The following PPFIA2 variants were observed in gnomAD, a reference collection of about 807,000 sequenced individuals.
The protein encoded by PPFIA2 is liprin-alpha-2.
In PPFIA2, 46 loss-of-function variants were observed where a neutral mutation model predicts 175.5. The ratio of observed to expected loss-of-function variants is 0.26; its 90% CI spans 0.21 to 0.34. The LOEUF is 0.34. Among genes scored for constraint, PPFIA2 ranks in the 10% least tolerant of loss-of-function variants. PPFIA2 has a pLI of 1.00. For synonymous variants in PPFIA2, 568 were observed against 511.4 expected (o/e 1.11, Z -1.49); for missense variants, 1,179 against 1,506.1 (o/e 0.78, Z 3.60).
chr12:81,446,361 A>AGAGGTG (rs2051256287), intron 5 of PPFIA2, among the ~76,000 whole-genome samples: 2 of 152,186 alleles, frequency 1.3e-5, no homozygotes, highest in African/African-American at 4.8e-5. Flanking sequence ...GGGCCATGAC[A>AGAGGTG]GAGGTGGAGG....
intron 4 of PPFIA2, among the ~76,000 whole-genome samples, chr12:81,590,859 T>G (rs1467438794): frequency 6.6e-6 from 1 of 152,154 alleles, no homozygotes; most frequent in African/African-American, 2.4e-5. Context: ...TATGTCTTTA[T>G]CAGCAGTGTG....
intron 22 of PPFIA2, among the ~76,000 whole-genome samples, chr12:81,307,163 A>G (rs1220710471): frequency 6.6e-6 from 1 of 152,148 alleles, no homozygotes; most frequent in Non-Finnish European, 1.5e-5. Context: ...ATCTACAATT[A>G]TCCTCTTCTC....
chr12:81,330,229 C>T (rs2055825983), intron 21 of PPFIA2, among the ~76,000 whole-genome samples: 2 of 152,278 alleles, frequency 1.3e-5, no homozygotes, highest in South Asian at 4.1e-4. Context: ...AAAGCCACAA[C>T]CTTGCACGAA....
chr12:81,544,235 A>C (rs2066647547), intron 4 of PPFIA2, among the ~76,000 whole-genome samples: 1 of 152,176 alleles, frequency 6.6e-6, no homozygotes, highest in South Asian at 2.1e-4. Flanking sequence ...CTTATTAAAA[A>C]ATAGATCTTT....
chr12:81,647,656 G>A (rs1160863382), intron 4 of PPFIA2, among the ~76,000 whole-genome samples: 16 of 150,920 alleles, frequency 1.1e-4, no homozygotes, highest in African/African-American at 3.4e-4. Context: ...AGCTACTCAG[G>A]AGGCTGAGGC....
intron 4 of PPFIA2, among the ~76,000 whole-genome samples, chr12:81,471,514 A>C (rs2056730335): frequency 6.6e-6 from 1 of 151,022 alleles, no homozygotes; most frequent in Non-Finnish European, 1.5e-5. Context: ...TATTGTTTGA[A>C]TATATCACAC....
intron 4 of PPFIA2, among the ~76,000 whole-genome samples, chr12:81,481,683 G>A (rs923377492): frequency 2.0e-5 from 3 of 152,154 alleles, no homozygotes; most frequent in South Asian, 2.1e-4. Flanking sequence ...AAACTGGCTA[G>A]CCATATGCAG....
At chr12:81,665,145 C>G (rs2069893962) in intron 4 of PPFIA2, among the ~76,000 whole-genome samples, 1 of 151,954 alleles carries the variant, frequency 6.6e-6, no homozygotes, top group Non-Finnish European at 1.5e-5. Context: ...ATGTAACAAA[C>G]CTGCACGTTG....
At chr12:81,571,605 T>C (rs1453665426) in intron 4 of PPFIA2, among the ~76,000 whole-genome samples, 2 of 152,130 alleles carry the variant, frequency 1.3e-5, no homozygotes, top group African/African-American at 4.8e-5. Flanking sequence ...AAAGGTCAAC[T>C]GGTTAATATG....
intron 7 of PPFIA2, among the ~76,000 whole-genome samples, chr12:81,413,667 C>A (rs1039496062): frequency 1.3e-5 from 2 of 151,716 alleles, no homozygotes; most frequent in African/African-American, 4.8e-5. Flanking sequence ...AAAATGTATT[C>A]TCAAGTATAC....
intron 3 of PPFIA2, among the ~76,000 whole-genome samples, chr12:81,730,480 TA>T (rs2080733969): frequency 6.6e-6 from 1 of 151,564 alleles, no homozygotes; most frequent in African/African-American, 2.4e-5. Context: ...GCCAGATGCT[TA>T]TGAAACCATC....
intron 8 of PPFIA2, among the ~76,000 whole-genome samples, chr12:81,398,123 C>T (rs2041478760): frequency 1.3e-5 from 2 of 152,074 alleles, no homozygotes; most frequent in Admixed American, 6.6e-5. Context: ...TCCCCAACCA[C>T]ACCCCCAGTT....
intron 16 of PPFIA2, among the ~76,000 whole-genome samples, chr12:81,356,552 A>G (rs1478822524): frequency 1.3e-5 from 2 of 152,150 alleles, no homozygotes; most frequent in South Asian, 2.1e-4. Flanking sequence ...GGTCCCAGCT[A>G]CTTGGGAGGC....
At chr12:81,741,521 A>T (rs1568088564) in intron 3 of PPFIA2, among the ~76,000 whole-genome samples, 1 of 152,144 alleles carries the variant, frequency 6.6e-6, no homozygotes, top group African/African-American at 2.4e-5. Flanking sequence ...GAATCCCCTG[A>T]CTCAAGCTTG....
chr12:81,732,588 T>C (rs555378796), intron 3 of PPFIA2, among the ~76,000 whole-genome samples: 2 of 147,870 alleles, frequency 1.4e-5, no homozygotes, highest in Middle Eastern at 3.6e-3. Flanking sequence ...ATTTCTTACA[T>C]ATACTGCAGA....
At chr12:81,722,173 G>A (rs949607141) in intron 3 of PPFIA2, among the ~76,000 whole-genome samples, 11 of 150,886 alleles carry the variant, frequency 7.3e-5, no homozygotes, top group African/African-American at 2.7e-4. Flanking sequence ...TATAACCTAG[G>A]AGTATTCAAT....
chr12:81,512,227 G>A (rs947946111), intron 4 of PPFIA2: 6 of 930,872 alleles, frequency 6.4e-6, no homozygotes, highest in South Asian at 2.7e-5. Flanking sequence ...GTCCCTTAAC[G>A]GCTCCCTAAT....
At chr12:81,312,012 G>C in intron 22 of PPFIA2, 1 of 707,506 alleles carries the variant, frequency 1.4e-6, no homozygotes, top group Non-Finnish European at 2.3e-6. Context: ...CTTTTACTGT[G>C]TGGAAATAAA....
chr12:81,697,872 A>T (rs1170251909), intron 3 of PPFIA2, among the ~76,000 whole-genome samples: 1 of 152,116 alleles, frequency 6.6e-6, no homozygotes, highest in Non-Finnish European at 1.5e-5. Flanking sequence ...GGCTAGAATG[A>T]TCAATCAAGG....
Sources: allele counts gnomAD v4.1 joint callset (sites outside exome capture counted in the v4.1 genomes callset), GRCh38; gene constraint gnomAD v4.1.1; transcripts MANE v1.5; gene names NCBI Gene and HGNC (gene_info 2026-07-23, HGNC 2026-07-21).